Variants in SPOP observed in about 807,000 individuals in gnomAD.
The protein encoded by SPOP is speckle type BTB/POZ protein.
In SPOP, 11 loss-of-function variants were observed where a neutral mutation model predicts 45.6. The observed-to-expected ratio is 0.24, with a 90% CI of 0.15 to 0.40. The LOEUF (loss-of-function observed/expected upper bound fraction) is 0.40, where lower values mean the gene tolerates loss of function less well. Among genes scored for constraint, SPOP ranks in the 10% least tolerant of loss-of-function variants. The pLI, the probability that SPOP is intolerant of heterozygous loss-of-function variation, is 1.00. For missense variants in SPOP, 152 were observed against 465.6 expected (o/e 0.33, Z 6.20); for synonymous variants, 166 against 166.3 (o/e 1.00, Z 0.01).
At chr17:49,639,049 C>A (rs943034623) in intron 1 of SPOP, among the ~76,000 whole-genome samples, 1 of 152,202 alleles carries the variant, frequency 6.6e-6, no homozygotes, top group Non-Finnish European at 1.5e-5. Flanking sequence ...TGAGTACCAA[C>A]TGCAGGGCAT....
intron 2 of SPOP, chr17:49,622,320 G>A (rs1157760448): frequency 1.7e-6 from 1 of 596,226 alleles, no homozygotes; most frequent in South Asian, 1.5e-5. Flanking sequence ...AGGAAAAACA[G>A]AAACAAAAAA....
intron 1 of SPOP, among the ~76,000 whole-genome samples, chr17:49,658,470 A>C (rs577528859): frequency 6.6e-6 from 1 of 152,350 alleles, no homozygotes; most frequent in African/African-American, 2.4e-5. Flanking sequence ...ACCAATAAAG[A>C]GCCACATAGG....
At chr17:49,610,366 A>G (rs2537700) in intron 6 of SPOP, among the ~76,000 whole-genome samples, 11,337 of 152,136 alleles carry the variant, frequency 0.075, 576 homozygotes, top group East Asian at 0.27. Flanking sequence ...TTACAGGCGC[A>G]TGCCACGATG....
chr17:49,642,691 A>G (rs746769011), intron 1 of SPOP, among the ~76,000 whole-genome samples: 10 of 152,234 alleles, frequency 6.6e-5, no homozygotes, highest in African/African-American at 1.2e-4. Context: ...AGTGTTCCAT[A>G]TAAGAGCATC....
At chr17:49,666,456 C>G (rs764982761) in intron 1 of SPOP, among the ~76,000 whole-genome samples, 1,149 of 70,990 alleles carry the variant, frequency 0.016, 4 homozygotes, top group East Asian at 0.044. Flanking sequence ...CAGACACACA[C>G]ACACACACAC....
Position 49,607,928 on chromosome 17 carries a change from A to C in SPOP, c.660T>G (p.Ala220=). 5.0e-6 allele frequency: 8 copies of C among 1,612,382 alleles called. No individual in the cohort carries two copies. The highest frequency in any genetic ancestry group is 6.8e-6 in the Non-Finnish European group (8 of 1,179,014). ...EFQAHKAILA[A]RSPVFSAMFE... ...ACATGGCACTAAAAACCGGAGAACG[A>C]GCTACAAAGTCAAAGAGAAACAAGC... The change falls in exon 7 of 10, where the codon GCT becomes GCG. Residue 220 remains alanine (A), a splice_region_variant and synonymous_variant. Coordinates refer to ENST00000504102, the MANE Select transcript of SPOP (RefSeq NM_001007228.2).
chr17:49,622,636 G>T, intron 2 of SPOP, 97 bp downstream of exon 2: 1 of 1,049,596 alleles, frequency 9.5e-7, no homozygotes, highest in Non-Finnish European at 1.5e-6. Flanking sequence ...ATGTTCCAGA[G>T]AAAGCAAGAA....
At chr17:49,639,551 C>A (rs541604773) in intron 1 of SPOP, among the ~76,000 whole-genome samples, 2 of 152,230 alleles carry the variant, frequency 1.3e-5, no homozygotes, top group South Asian at 2.1e-4. Context: ...GCAATGAAAT[C>A]AAACTACAGT....
At chr17:49,671,309 A>T (rs573581287) in intron 1 of SPOP, among the ~76,000 whole-genome samples, 1 of 151,740 alleles carries the variant, frequency 6.6e-6, no homozygotes, top group South Asian at 2.1e-4. Context: ...GTGCAAAAGT[A>T]ATTGAGGTTT....
intron 1 of SPOP, among the ~76,000 whole-genome samples, chr17:49,641,263 CAAAAAAAAAAAAAA>C (rs34207707): frequency 4.2e-5 from 2 of 47,548 alleles, no homozygotes; most frequent in South Asian, 1.2e-3. Flanking sequence ...ACTCTGTCTC[CAAAAAAAAAAAAAA>C]AAAAAAAAAA....
At chr17:49,605,903 A>G (rs1413698289) in intron 8 of SPOP, among the ~76,000 whole-genome samples, 1 of 132,096 alleles carries the variant, frequency 7.6e-6, no homozygotes, top group Admixed American at 7.6e-5. Flanking sequence ...CAGGAGAATC[A>G]CTTGAACCTG....
At chr17:49,603,954 G>C (rs1019875434) in intron 8 of SPOP, among the ~76,000 whole-genome samples, 2 of 152,132 alleles carry the variant, frequency 1.3e-5, no homozygotes, top group African/African-American at 4.8e-5. Context: ...TTCTGGCTAG[G>C]GAGCAAGAAT....
intron 5 of SPOP, 52 bp downstream of exon 5, chr17:49,618,928 CA>C (rs2072149075): frequency 1.3e-6 from 2 of 1,569,720 alleles, no homozygotes; most frequent in Middle Eastern, 1.7e-4. Context: ...TTAAGTCTAC[CA>C]ATACTCATCA....
intron 1 of SPOP, among the ~76,000 whole-genome samples, chr17:49,670,206 G>C (rs999715645): frequency 1.3e-5 from 2 of 152,306 alleles, no homozygotes; most frequent in East Asian, 1.9e-4. Context: ...GACAGCCCAA[G>C]CATTTCCTCA....
chr17:49,621,712 A>G (rs773777314), intron 3 of SPOP, among the ~76,000 whole-genome samples: 1 of 152,158 alleles, frequency 6.6e-6, no homozygotes, highest in Non-Finnish European at 1.5e-5. Flanking sequence ...ATTTATTTAC[A>G]TTACCCTATA....
chr17:49,626,620 G>T (rs1597935242), intron 1 of SPOP, among the ~76,000 whole-genome samples: 1 of 151,992 alleles, frequency 6.6e-6, no homozygotes, highest in Non-Finnish European at 1.5e-5. Context: ...CTTGAACCCA[G>T]GAGGTGGAGG....
intron 1 of SPOP, among the ~76,000 whole-genome samples, chr17:49,625,836 A>G (rs970171115): frequency 2.0e-5 from 3 of 152,240 alleles, no homozygotes; most frequent in Admixed American, 6.5e-5. Context: ...GGGAGAGGGA[A>G]GGAAGGAGAA....
At chr17:49,642,502 A>G (rs1469696791) in intron 1 of SPOP, among the ~76,000 whole-genome samples, 1 of 152,180 alleles carries the variant, frequency 6.6e-6, no homozygotes, top group Non-Finnish European at 1.5e-5. Context: ...AAAAAAAGAG[A>G]AAGTTCTTTA....
chr17:49,622,944 C>A (rs978378642), intron 1 of SPOP, 68 bp from the exon 2 acceptor site: 2 of 717,386 alleles, frequency 2.8e-6, no homozygotes, highest in Non-Finnish European at 4.7e-6. Context: ...TATTGTTTGA[C>A]CTGATAGAGG....
Sources: gnomAD v4.1 joint callset for allele counts (sites outside exome capture counted in the v4.1 genomes callset) on GRCh38, gnomAD v4.1.1 for gene constraint, MANE v1.5 for transcripts, NCBI Gene and HGNC (gene_info 2026-07-23, HGNC 2026-07-21) for gene names.